The following GPR21 variants were observed in gnomAD, a reference collection of about 807,000 sequenced individuals.
The protein encoded by GPR21 is G protein-coupled receptor 21.
In GPR21, 9 loss-of-function variants were observed where a neutral mutation model predicts 21.5. The ratio of observed to expected loss-of-function variants is 0.42; its 90% confidence interval spans 0.25 to 0.73. The LOEUF (loss-of-function observed/expected upper bound fraction) is 0.73, where lower values mean the gene tolerates loss of function less well. Ranked by LOEUF, GPR21 falls within the 30% of genes least tolerant of loss-of-function variation. GPR21 has a pLI of 0.27. For synonymous variants in GPR21, 169 were observed against 159.3 expected (o/e 1.06, Z -0.46); for missense variants, 416 against 428.9 (o/e 0.97, Z 0.27).
At chr9:123,045,184 T>C in the GPR21 span, among the ~76,000 whole-genome samples, 7 of 152,372 alleles carry the variant, frequency 4.6e-5, 1 homozygote, top group South Asian at 1.0e-3. Context: ...GTTGAATTGT[T>C]AAGGCAATAT....
In GPR21 at chr9:123,034,836, C is replaced by G. The variant is rs762998837; in HGVS notation, c.270C>G (p.Leu90=). The change falls in exon 2 of 2, where the codon CTC becomes CTG. Residue 90 remains leucine (L), a synonymous_variant. Coordinates refer to ENST00000616002, the MANE Select transcript of GPR21 (RefSeq NM_005294.3). Reference sequence around the variant, plus strand: ...GCGTGGTCCCTTCTTTATCACTCCTCCATCACCCCCTTCCAGTAGAGGAGT... The same window carrying G: ...GCGTGGTCCCTTCTTTATCACTCCTGCATCACCCCCTTCCAGTAGAGGAGT... ...VSCVVPSLSL[L]HHPLPVEESL... is the part of the protein sequence containing the mutation. 1 of 1,613,914 alleles carries G rather than the reference C, an allele frequency of 6.2e-7. No homozygotes were observed. Among genetic ancestry groups the G allele is most frequent in the Non-Finnish European group, 8.5e-7 (1 of 1,179,968 alleles).
the GPR21 span, among the ~76,000 whole-genome samples, chr9:123,047,647 A>G: frequency 2.0e-5 from 3 of 152,116 alleles, no homozygotes; most frequent in Admixed American, 6.5e-5. Flanking sequence ...AATCTTCAAT[A>G]TGATTTTTCT....
chr9:123,044,597 G>A, the GPR21 span, among the ~76,000 whole-genome samples: 6 of 151,500 alleles, frequency 4.0e-5, no homozygotes, highest in Admixed American at 6.6e-5. Context: ...CTTTGACATC[G>A]TGGGAAGGAA....
the GPR21 span, among the ~76,000 whole-genome samples, chr9:123,041,309 T>G: frequency 2.6e-5 from 4 of 152,212 alleles, no homozygotes; most frequent in African/African-American, 9.7e-5. Context: ...GCCTATGTTC[T>G]TGCCTTAATT....
Position 123,035,105 on chromosome 9 carries a change from G to T in GPR21, c.539G>T (p.Trp180Leu). The change falls in exon 2 of 2, where the codon TGG becomes TTG. Residue 180 changes from tryptophan (W) to leucine (L), a missense_variant. Transcript: ENST00000616002. ...KPGYHGDVFQWCAESWHTDSY... is the reference protein window; with the variant it reads ...KPGYHGDVFQLCAESWHTDSY... The stretch of plus-strand genomic sequence containing the variant: ...GGATATCATGGAGATGTGTTTCAGT[G>T]GTGTGCGGAGTCCTGGCACACCGAC... The T allele has an allele frequency of 6.2e-7, 1 of 1,614,078 alleles. No individual in the cohort carries two copies. The highest frequency in any genetic ancestry group is 8.5e-7 in the Non-Finnish European group (1 of 1,179,990).
chr9:123,042,339 C>T, the GPR21 span, among the ~76,000 whole-genome samples: 2 of 152,066 alleles, frequency 1.3e-5, no homozygotes, highest in Non-Finnish European at 2.9e-5. Context: ...TAACAGACAG[C>T]CAGAGATAAT....
At chr9:123,044,497 A>G in the GPR21 span, among the ~76,000 whole-genome samples, 16,600 of 152,172 alleles carry the variant, frequency 0.11, 2,923 homozygotes, top group African/African-American at 0.37. Context: ...CTGTATCACT[A>G]CGCCTCCATA....
chr9:123,039,148 C>T (rs1159777490), downstream of GPR21, among the ~76,000 whole-genome samples: 1 of 152,104 alleles, frequency 6.6e-6, no homozygotes, highest in Non-Finnish European at 1.5e-5. Context: ...ATGATGTGTT[C>T]CCCCACACTT....
the GPR21 span, among the ~76,000 whole-genome samples, chr9:123,045,017 C>T: frequency 0.067 from 10,132 of 152,224 alleles, 403 homozygotes; most frequent in African/African-American, 0.083. Context: ...AAAAACCTAT[C>T]TTTACAAGAA....
At chr9:123,036,750 A>G (rs1190181662), downstream of GPR21, among the ~76,000 whole-genome samples, 2 of 151,996 alleles carry the variant, frequency 1.3e-5, no homozygotes, top group East Asian at 3.9e-4. Context: ...AAGGGAAAAC[A>G]CTTAAGTCTC....
chr9:123,043,692 A>G, the GPR21 span, among the ~76,000 whole-genome samples: 1 of 152,040 alleles, frequency 6.6e-6, no homozygotes, highest in Admixed American at 6.6e-5. Context: ...TCCATAGTGT[A>G]AACTCTGAAA....
At chr9:123,036,306 C>T (rs556254963), downstream of GPR21, among the ~76,000 whole-genome samples, 1 of 152,274 alleles carries the variant, frequency 6.6e-6, no homozygotes, top group South Asian at 2.1e-4. Context: ...CTTTTTGTGC[C>T]ATGCTTCACA....
At position 123,034,883 on chromosome 9, in the gene GPR21, G is replaced by T. The variant is rs749280190; in HGVS notation, c.317G>T (p.Gly106Val). Residue 106 changes from glycine (G) to valine (V), a missense_variant, in exon 2 of 2, where the codon GGT (glycine) becomes GTT (valine). Gly to Val is a moderately radical substitution (Grantham distance 109). Coordinates refer to ENST00000616002, the MANE Select transcript of GPR21 (RefSeq NM_005294.3). ...VEESLTCQIF[G>V]FVVSVLKSVS... ...GAGTCCTTGACTTGCCAGATATTTG[G>T]TTTTGTAGTATCAGTTCTGAAGAGC... The T allele has an allele frequency of 1.2e-6, 2 of 1,613,778 alleles. No individual in the cohort carries two copies. The highest frequency in any genetic ancestry group is 1.7e-6 in the Non-Finnish European group (2 of 1,179,860).
chr9:123,034,666 A>C lies in GPR21; in HGVS notation c.100A>C (p.Ile34Leu). ...TVNFCLLEVL[I>L]IVFLTVLIIS... ...CAATTTTTGCCTTTTGGAAGTATTG[A>C]TTATTGTCTTTCTAACTGTATTGAT... The change falls in exon 2 of 2, where the codon ATT (isoleucine) becomes CTT (leucine). Residue 34 changes from isoleucine to leucine, a missense_variant. Coordinates refer to ENST00000616002, the MANE Select transcript of GPR21 (RefSeq NM_005294.3). 6.2e-7 allele frequency: 1 copy of C among 1,613,208 alleles called. No homozygotes were observed. Among genetic ancestry groups the C allele is most frequent in the Non-Finnish European group, 8.5e-7 (1 of 1,179,132 alleles).
At chr9:123,042,001 C>G in the GPR21 span, among the ~76,000 whole-genome samples, 3 of 152,158 alleles carry the variant, frequency 2.0e-5, no homozygotes, top group East Asian at 5.8e-4. Flanking sequence ...ACCATTGCAG[C>G]AGAAGGTGGG....
Position 123,035,454 on chromosome 9 carries a change from C to T in GPR21, c.888C>T (p.Asn296=). ...TGACCACCTGGCTTGCTATTAGTAA[C>T]AGTTTCTGCAACTGTGTAATTTATA... The part of the protein sequence containing the change: ...SFLTTWLAIS[N]SFCNCVIYSL... The change falls in exon 2 of 2, where the codon AAC becomes AAT. Residue 296 remains asparagine, a synonymous_variant. Coordinates refer to ENST00000616002, the MANE Select transcript of GPR21 (RefSeq NM_005294.3). 6.2e-7 allele frequency: 1 copy of T among 1,614,166 alleles called. No individual in the cohort carries two copies. Among genetic ancestry groups the T allele is most frequent in the Non-Finnish European group, 8.5e-7 (1 of 1,180,018 alleles).
At chr9:123,044,956 A>T in the GPR21 span, among the ~76,000 whole-genome samples, 1 of 152,218 alleles carries the variant, frequency 6.6e-6, no homozygotes, top group African/African-American at 2.4e-5. Flanking sequence ...TAATGAAGTG[A>T]TCTACAATTT....
chr9:123,044,160 C>A, the GPR21 span, among the ~76,000 whole-genome samples: 1 of 152,090 alleles, frequency 6.6e-6, no homozygotes, highest in South Asian at 2.1e-4. Context: ...ATCTCGGCCT[C>A]CCAAAGTGGT....
chr9:123,042,922 G>A, the GPR21 span, among the ~76,000 whole-genome samples: 1 of 152,160 alleles, frequency 6.6e-6, no homozygotes. Flanking sequence ...CTTGAATGGG[G>A]TGGGGCATGG....
Sources: gnomAD v4.1 joint callset for allele counts (sites outside exome capture counted in the v4.1 genomes callset) on GRCh38, gnomAD v4.1.1 for gene constraint, MANE v1.5 for transcripts, NCBI Gene and HGNC (gene_info 2026-07-23, HGNC 2026-07-21) for gene names.